Variants in ZNF263 observed in about 807,000 individuals in gnomAD.
ZNF263 encodes zinc finger protein 263, also known as zinc finger protein FPM315.
In ZNF263, 49 loss-of-function variants were observed where a neutral mutation model predicts 63.1. The observed-to-expected ratio is 0.78, with a 90% confidence interval of 0.62 to 0.99. ZNF263 has a LOEUF of 0.99. ZNF263 is among the 50% of genes least tolerant of loss of function. The probability of loss-of-function intolerance (pLI) is 0.00; values close to 1 mark genes in which losing one functional copy is unlikely to be tolerated. For synonymous variants in ZNF263, 352 were observed against 324.2 expected, an observed-to-expected ratio of 1.09 and a Z score of -0.92; for missense variants, 872 against 854.8, an observed-to-expected ratio of 1.02 and a Z score of -0.25.
Position 3,290,232 on chromosome 16 carries a change from G to T in ZNF263, c.1726G>T (p.Glu576Ter). The change falls in exon 6 of 6, where the codon GAA becomes TAA. Residue 576 changes from glutamate (E) to a stop codon, truncating the protein, a stop_gained. Coordinates refer to ENST00000219069, the MANE Select transcript of ZNF263 (RefSeq NM_005741.5). LOFTEE classifies it high-confidence loss of function. ...CCATAAGGCAGAGAAGAAGCTCTTT[G>T]AATGTTTGACTTGTGGGAAAAGCTT... ...GAHKAEKKLF[E>*]CLTCGKSFRQ... 6.2e-7 allele frequency: 1 copy of T among 1,614,198 alleles called. No homozygotes were observed. Among genetic ancestry groups the T allele is most frequent in the Non-Finnish European group, 8.5e-7 (1 of 1,180,036 alleles).
intron 1 of ZNF263, 84 bp downstream of exon 1, chr16:3,284,289 A>G (rs958194483): frequency 2.1e-6 from 3 of 1,458,622 alleles, no homozygotes; most frequent in Middle Eastern, 1.8e-4. Flanking sequence ...AATTCAAGTA[A>G]ATTGCCCTGA....
chr16:3,300,333 G>A (rs371295746), intron 2 of ZNF263: 80 of 1,614,050 alleles, frequency 5.0e-5, no homozygotes, highest in Non-Finnish European at 5.4e-5. Flanking sequence ...CCGGAACACC[G>A]GCTGAGCGTT....
rs755937940 is a variant in ZNF263, at chr16:3,284,152, G to T, written c.334G>T (p.Ala112Ser). 7 of 1,597,966 alleles carry T rather than the reference G, an allele frequency of 4.4e-6. No individual in the cohort carries two copies. The highest frequency in any genetic ancestry group is 4.3e-6 in the Non-Finnish European group (5 of 1,171,246). ...QELHPESGEE[A>S]VTLVEDMQRE... is the part of the protein sequence containing the mutation. ...GCTGCATCCGGAGAGCGGCGAAGAA[G>T]CGGTGACCCTTGTGGAGGATATGCA... Residue 112 changes from alanine (A) to serine (S), a missense_variant, in exon 1 of 6, where the codon GCG (alanine) becomes TCG (serine). By Grantham distance (99) the Ala-to-Ser change is moderately conservative (BLOSUM62 1). Coordinates refer to ENST00000219069, the MANE Select transcript of ZNF263 (RefSeq NM_005741.5).
rs888383569 is a variant in ZNF263, at chr16:3,283,829, G to A, written c.11G>A (p.Gly4Asp). Residue 4 changes from glycine to aspartate, a missense_variant, in exon 1 of 6, where the codon GGC becomes GAC. Physicochemically the swap from Gly to Asp is moderately conservative, Grantham distance 94. Coordinates refer to ENST00000219069, the MANE Select transcript of ZNF263 (RefSeq NM_005741.5). Reference protein sequence around the residue: MASGPGSQEREGLL... With the variant: MASDPGSQEREGLL... ...TCTGGAGACCTGACGATGGCGTCGGGCCCGGGCTCCCAGGAACGGGAAGGG... is the reference window on the plus strand; with the variant it reads ...TCTGGAGACCTGACGATGGCGTCGGACCCGGGCTCCCAGGAACGGGAAGGG... 7 of 1,573,432 alleles carry A rather than the reference G, an allele frequency of 4.4e-6. No individual in the cohort carries two copies. The African/African-American group carries it at 8.1e-5, about 18-fold the overall frequency.
Position 3,283,727 on chromosome 16 carries a change from C to G in ZNF263, c.-92C>G, listed in dbSNP as rs1959234375. On this transcript the variant is annotated 5_prime_UTR_variant, in exon 1 of 6. Transcript: ENST00000219069. ...GACTGGGAGCCCCCGGCCCCGGGCT[C>G]CTGCTGGCGCCGTCCAACCTTACAT... 1 of 1,408,142 alleles carries G rather than the reference C, an allele frequency of 7.1e-7. No individual in the cohort carries two copies. The highest frequency in any genetic ancestry group is 9.2e-7 in the Non-Finnish European group (1 of 1,084,828). The allele number at this position is 1,408,142 out of a possible 1,614,324, so 87.2% of individuals were successfully genotyped here. A position where few individuals can be genotyped will look rare whatever the true frequency, so the allele number is the denominator to read the frequency against.
Position 3,283,799 on chromosome 16 carries a change from G to A in ZNF263, c.-20G>A. 2.6e-6 allele frequency: 4 copies of A among 1,530,728 alleles called. No individual in the cohort carries two copies. The highest frequency in any genetic ancestry group is 3.5e-6 in the Non-Finnish European group (4 of 1,143,040). The allele number at this position is 1,530,728 out of a possible 1,614,324, so 94.8% of individuals were successfully genotyped here. On this transcript the variant is annotated 5_prime_UTR_variant, in exon 1 of 6. Transcript: ENST00000219069. ...GCGGGCACGGCTGGTTTCGGGCTAA[G>A]GCGCTCTGGAGACCTGACGATGGCG...
intron 1 of ZNF263, among the ~76,000 whole-genome samples, chr16:3,298,336 C>T (rs1322389620): frequency 1.3e-5 from 2 of 152,148 alleles, no homozygotes; most frequent in African/African-American, 2.4e-5. Flanking sequence ...CATATATATA[C>T]GATCCTATAT....
chr16:3,285,812 G>A (rs373188988), intron 3 of ZNF263, 58 bp downstream of exon 3: 17 of 1,596,470 alleles, frequency 1.1e-5, no homozygotes, highest in Non-Finnish European at 1.4e-5. Context: ...GAGTGTTGGG[G>A]GTGGGGGTTC....
Position 3,289,861 on chromosome 16 carries a change from A to G in ZNF263, c.1355A>G (p.His452Arg). ...CFSQNTHLTRHQRTHTGEKPY... is the reference protein window; with the variant it reads ...CFSQNTHLTRRQRTHTGEKPY... ...AGTCAGAACACCCATCTGACTCGCC[A>G]CCAACGCACCCACACGGGTGAGAAG... Residue 452 changes from histidine (H) to arginine (R), a missense_variant, in exon 6 of 6, where the codon CAC (histidine) becomes CGC (arginine). By Grantham distance (29) the His-to-Arg change is conservative. Coordinates refer to ENST00000219069, the MANE Select transcript of ZNF263 (RefSeq NM_005741.5). The G allele has an allele frequency of 1.9e-6, 3 of 1,614,228 alleles. No homozygotes were observed. The South Asian group carries it at 3.3e-5, about 18-fold the overall frequency.
chr16:3,299,831 A>G, intron 2 of ZNF263: 1 of 1,590,676 alleles, frequency 6.3e-7, no homozygotes, highest in South Asian at 1.2e-5. Context: ...CATTCTGAAA[A>G]CAATTCTCTG....
intron 1 of ZNF263, 116 bp from the exon 2 acceptor site, chr16:3,284,943 G>T: frequency 7.7e-7 from 1 of 1,294,400 alleles, no homozygotes; most frequent in Admixed American, 2.3e-5. Flanking sequence ...TCTGTTACCT[G>T]GGCCCAAAGG....
chr16:3,289,194 G>A (rs888115573), intron 5 of ZNF263, among the ~76,000 whole-genome samples, 199 bp from the exon 6 acceptor site: 9 of 152,098 alleles, frequency 5.9e-5, no homozygotes, highest in African/African-American at 9.7e-5. Flanking sequence ...GACTGGTCTC[G>A]GCTCTGATTC....
At chr16:3,293,044 G>A (rs1182304695), downstream of ZNF263, 1 of 152,228 alleles carries the variant, frequency 6.6e-6, no homozygotes, top group Non-Finnish European at 1.5e-5. Context: ...GTTTGAGAGA[G>A]TAGGTCTGAT....
chr16:3,300,544 G>A, intron 2 of ZNF263: 6 of 1,613,138 alleles, frequency 3.7e-6, no homozygotes, highest in Non-Finnish European at 5.1e-6. Context: ...TGATCGTCCA[G>A]CTTCAATTCT....
At chr16:3,296,196 CCAA>C (rs1301696484), downstream of ZNF263, among the ~76,000 whole-genome samples, 1 of 152,198 alleles carries the variant, frequency 6.6e-6, no homozygotes, top group East Asian at 1.9e-4. Flanking sequence ...AGCTGAATCT[CCAA>C]CAACATGCTA....
chr16:3,283,660 G>T lies in ZNF263; in HGVS notation c.-159G>T. The T allele has an allele frequency of 8.1e-7, 1 of 1,232,680 alleles. No individual in the cohort carries two copies. 76.4% of individuals were successfully genotyped at this position (1,232,680 alleles called of 1,614,324 possible). A position where few individuals can be genotyped will look rare whatever the true frequency, so the allele number is the denominator to read the frequency against. ...TGGGACCGACTGAGGCCTAGGCGCC[G>T]GAGCCGGCCGCGCCTGGGCTGGAGC... On this transcript the variant is annotated 5_prime_UTR_variant, in exon 1 of 6. Coordinates refer to ENST00000219069, the MANE Select transcript of ZNF263 (RefSeq NM_005741.5).
Position 3,290,373 on chromosome 16 carries a change from A to G in ZNF263, c.1867A>G (p.Arg623Gly). 1 of 1,614,146 alleles carries G rather than the reference A, an allele frequency of 6.2e-7. No homozygotes were observed. Among genetic ancestry groups the G allele is most frequent in the South Asian group, 1.1e-5 (1 of 91,074 alleles). Residue 623 changes from arginine to glycine, a missense_variant, in exon 6 of 6, where the codon AGA becomes GGA. Transcript: ENST00000219069. The stretch of plus-strand genomic sequence containing the variant: ...TAGATCCAATTTAATCAGGCACCAG[A>G]GAATCCACACAGGAGAAAAACCCTA... ...SHRSNLIRHQ[R>G]IHTGEKPYTC...
chr16:3,298,302 G>A (rs530563097), intron 1 of ZNF263, among the ~76,000 whole-genome samples: 2 of 152,250 alleles, frequency 1.3e-5, no homozygotes, highest in East Asian at 3.9e-4. Context: ...ATTTGAAAAG[G>A]GAAGTCATTA....
rs534088520 is a variant in ZNF263 at position 3,287,272 on chromosome 16, G to A, written c.769+1123G>A. ...ATTACAGGCATGCGCCACCACACCCGGCTAATTTTTTGTATTTTTAGTAGA... is the reference window on the plus strand; with the variant it reads ...ATTACAGGCATGCGCCACCACACCCAGCTAATTTTTTGTATTTTTAGTAGA... On this transcript the variant is annotated intron_variant, in intron 4 of 5. Coordinates refer to ENST00000219069, the MANE Select transcript of ZNF263 (RefSeq NM_005741.5). Among the ~76,000 whole-genome samples the A allele has an allele frequency of 3.9e-5, 6 of 152,144 alleles. No homozygotes were observed. The South Asian group carries it at 6.2e-4, about 16-fold the overall frequency.
Sources: gnomAD v4.1 joint callset for allele counts (sites outside exome capture counted in the v4.1 genomes callset) on GRCh38, gnomAD v4.1.1 for gene constraint, MANE v1.5 for transcripts, NCBI Gene and HGNC (gene_info 2026-07-23, HGNC 2026-07-21) for gene names.